DLEC1: variants seen among roughly 807,000 people sequenced by gnomAD.
DLEC1 encodes DLEC1 cilia and flagella associated protein, also known as deleted in lung and esophageal cancer protein 1.
Under a neutral mutation model 198.1 loss-of-function variants are expected in DLEC1, and 146 were observed. The ratio of observed to expected loss-of-function variants is 0.74; its 90% CI spans 0.64 to 0.85. The LOEUF is 0.85. DLEC1 is among the 40% of genes least tolerant of loss of function. The pLI is 0.00. For missense variants in DLEC1, 2,233 were observed against 2,220.0 expected (o/e 1.01, Z -0.12); for synonymous variants, 897 against 866.8 (o/e 1.03, Z -0.61).
chr3:38,118,123 G>A (rs994654523), intron 33 of DLEC1, 99 bp downstream of exon 33: 25 of 1,347,282 alleles, frequency 1.9e-5, no homozygotes, highest in South Asian at 1.5e-4. Flanking sequence ...GTACCCAGAC[G>A]CAAACTGCAT....
chr3:38,100,504 A>T, intron 19 of DLEC1, 79 bp downstream of exon 19: 2 of 1,408,962 alleles, frequency 1.4e-6, no homozygotes, highest in Non-Finnish European at 1.9e-6. Context: ...ATATTTATCT[A>T]GAGATGTTCT....
At chr3:38,065,414 AAGGGAG>A (rs1273603226) in intron 6 of DLEC1, among the ~76,000 whole-genome samples, 1 of 151,704 alleles carries the variant, frequency 6.6e-6, no homozygotes, top group African/African-American at 2.4e-5. Flanking sequence ...TGCAGAGGGA[AAGGGAG>A]AGGGAGAGGG....
At chr3:38,071,061 G>C (rs1038645008) in intron 6 of DLEC1, among the ~76,000 whole-genome samples, 1 of 152,174 alleles carries the variant, frequency 6.6e-6, no homozygotes. Flanking sequence ...TGCTTCAAGC[G>C]GGATTGGGGC....
rs761453055 is a variant in DLEC1 at position 38,112,269 on chromosome 3, CA to C, written c.3575del (p.Gln1192ArgfsTer54). ...AGCTGCTTTCTTCCCTCACTTTTCC[CA>C]GGGCATGCTGGGGCCCTACCAGCAG... The part of the protein sequence containing the change: ...KGAAFFPHFS[Q>X]GMLGPYQQLC... On this transcript the variant is annotated frameshift_variant, in exon 25 of 37. Coordinates refer to ENST00000308059, the MANE Select transcript of DLEC1 (RefSeq NM_007335.4). LOFTEE classifies it high-confidence loss of function. The surrounding 1 kb of genome is among the most constrained non-coding windows in gnomAD (Gnocchi z 4.8). The C allele has an allele frequency of 4.3e-6, 7 of 1,614,058 alleles. No individual in the cohort carries two copies. Among genetic ancestry groups the C allele is most frequent in the Admixed American group, 1.7e-5 (1 of 60,002 alleles).
At chr3:38,105,285 G>A (rs1475754121) in intron 19 of DLEC1, among the ~76,000 whole-genome samples, 1 of 142,138 alleles carries the variant, frequency 7.0e-6, no homozygotes, top group Non-Finnish European at 1.5e-5. Flanking sequence ...TGCCTGTTCT[G>A]TTTGGTTTAT....
rs767814482 is a variant in DLEC1, at chr3:38,116,402, G to A, written c.3857-51G>A. On this transcript the variant is annotated intron_variant, in intron 27 of 36. Transcript: ENST00000308059. Reference sequence around the variant, plus strand: ...GTATGAGGAGGAGGGGGCCCCGGGGGGTTGTCTGCTCCTCCCTTATTCCTC... The same window carrying A: ...GTATGAGGAGGAGGGGGCCCCGGGGAGTTGTCTGCTCCTCCCTTATTCCTC... The A allele has an allele frequency of 1.1e-5, 18 of 1,600,294 alleles. No homozygotes were observed. In the East Asian group the frequency reaches 3.6e-4, roughly 32 times the overall value.
chr3:38,053,284 C>T (rs1373565015), intron 2 of DLEC1, among the ~76,000 whole-genome samples: 2 of 151,844 alleles, frequency 1.3e-5, no homozygotes, highest in Non-Finnish European at 2.9e-5. Context: ...CTCTGCCCGG[C>T]CGCCCAGTCT....
At position 38,062,777 on chromosome 3, in the gene DLEC1, T is replaced by C; in HGVS notation, c.1070T>C (p.Phe357Ser). Residue 357 changes from phenylalanine to serine, a missense_variant, in exon 5 of 37, where the codon TTC becomes TCC. Physicochemically the swap from Phe to Ser is radical, Grantham distance 155. Transcript: ENST00000308059. ...PPKKPAPIGE[F>S]QSTEPEQSCA... ...AAGAAGCCAGCACCGATAGGAGAAT[T>C]CCAGAGTACAGAGCCAGAACAGAGG... 1 of 1,613,988 alleles carries C rather than the reference T, an allele frequency of 6.2e-7. No homozygotes were observed. Among genetic ancestry groups the C allele is most frequent in the Non-Finnish European group, 8.5e-7 (1 of 1,179,946 alleles).
chr3:38,051,633 T>C, intron 2 of DLEC1: 1 of 222,574 alleles, frequency 4.5e-6, no homozygotes. Flanking sequence ...GACGGTGGAG[T>C]CGTTTTTCAG....
chr3:38,064,016 T>TTC, intron 6 of DLEC1, 97 bp downstream of exon 6: 14 of 883,256 alleles, frequency 1.6e-5, no homozygotes, highest in Non-Finnish European at 2.4e-5. Context: ...TCTTTTTTTT[T>TTC]TTTTTTTTAG....
intron 1 of DLEC1, among the ~76,000 whole-genome samples, chr3:38,043,949 A>T (rs1015451817): frequency 6.7e-6 from 1 of 148,202 alleles, no homozygotes; most frequent in Non-Finnish European, 1.5e-5. Flanking sequence ...GTCTTCCTAC[A>T]TAAACTGTTT....
chr3:38,080,884 G>A (rs1188596427), intron 6 of DLEC1, among the ~76,000 whole-genome samples: 2 of 138,014 alleles, frequency 1.4e-5, no homozygotes, highest in Admixed American at 1.5e-4. Flanking sequence ...GCAGGGTCAT[G>A]GGACAATAGT....
At chr3:38,053,224 G>C (rs1206380139) in intron 2 of DLEC1, among the ~76,000 whole-genome samples, 2 of 152,224 alleles carry the variant, frequency 1.3e-5, no homozygotes, top group African/African-American at 2.4e-5. Context: ...CATCTGGGAA[G>C]TGAGGAGCGT....
chr3:38,081,394 G>A (rs1192361976), intron 6 of DLEC1, among the ~76,000 whole-genome samples: 12 of 119,346 alleles, frequency 1.0e-4, no homozygotes, highest in Middle Eastern at 4.0e-3. Context: ...AGGGGCGGCC[G>A]GGCAGAGGCG....
In DLEC1 at chr3:38,122,670, C is replaced by G; in HGVS notation, c.*258C>G. On this transcript the variant is annotated 3_prime_UTR_variant, in exon 37 of 37. Coordinates refer to ENST00000308059, the MANE Select transcript of DLEC1 (RefSeq NM_007335.4). ...TCACTACTCAGTGCATAGCGAAGAC[C>G]AGTATGGCAAAATTAGTCTTGGAAA... 4 of 1,436,146 alleles carry G rather than the reference C, an allele frequency of 2.8e-6. No homozygotes were observed. Among genetic ancestry groups the G allele is most frequent in the Non-Finnish European group, 3.7e-6 (4 of 1,095,148 alleles). 89.0% of individuals were successfully genotyped at this position (1,436,146 alleles called of 1,614,324 possible).
At position 38,122,663 on chromosome 3, in the gene DLEC1, C is replaced by G; in HGVS notation, c.*251C>G. 2 of 1,450,240 alleles carry G rather than the reference C, an allele frequency of 1.4e-6. No individual in the cohort carries two copies. The highest frequency in any genetic ancestry group is 1.8e-6 in the Non-Finnish European group (2 of 1,102,772). 89.8% of individuals were successfully genotyped at this position (1,450,240 alleles called of 1,614,324 possible). ...ATTGAGATCACTACTCAGTGCATAG[C>G]GAAGACCAGTATGGCAAAATTAGTC... On this transcript the variant is annotated 3_prime_UTR_variant, in exon 37 of 37. Coordinates refer to ENST00000308059, the MANE Select transcript of DLEC1 (RefSeq NM_007335.4).
chr3:38,119,176 GT>G (rs953622826), intron 33 of DLEC1, among the ~76,000 whole-genome samples: 4 of 152,166 alleles, frequency 2.6e-5, no homozygotes, highest in Non-Finnish European at 4.4e-5. Context: ...ATAATTAATG[GT>G]GCTGCATCTC....
At chr3:38,102,736 C>T (rs764433338) in intron 19 of DLEC1, among the ~76,000 whole-genome samples, 15 of 152,176 alleles carry the variant, frequency 9.9e-5, no homozygotes, top group Non-Finnish European at 1.9e-4. Context: ...GAGAAAGGGA[C>T]CTTTGGGGAA....
intron 9 of DLEC1, among the ~76,000 whole-genome samples, chr3:38,087,836 T>C (rs1559434714): frequency 6.6e-6 from 1 of 152,302 alleles, no homozygotes; most frequent in East Asian, 1.9e-4. Flanking sequence ...CTCTCGTGCC[T>C]CAGGAGCTTG....
Sources: gnomAD v4.1 joint callset for allele counts (sites outside exome capture counted in the v4.1 genomes callset) on GRCh38, gnomAD v4.1.1 for gene constraint, Gnocchi (gnomAD v3.1) non-coding constraint, MANE v1.5 for transcripts, NCBI Gene and HGNC (gene_info 2026-07-23, HGNC 2026-07-21) for gene names.